The following HAUS7 variants were observed in gnomAD, a reference collection of about 807,000 sequenced individuals.
HAUS7 encodes the protein HAUS augmin-like complex subunit 7.
Under a neutral mutation model 28.4 loss-of-function variants are expected in HAUS7, and 3 were observed. The ratio of observed to expected loss-of-function variants is 0.11; its 90% CI spans 0.05 to 0.27. The LOEUF (loss-of-function observed/expected upper bound fraction) is 0.27. HAUS7 is among the 10% of genes least tolerant of loss of function. The pLI, the probability that HAUS7 is intolerant of heterozygous loss-of-function variation, is 1.00. For missense variants in HAUS7, 284 were observed against 297.3 expected (o/e 0.96, Z 0.33); for synonymous variants, 165 against 132.1 (o/e 1.25, Z -1.71).
chrX:153,484,401 A>G (rs1318555130), intron 1 of HAUS7, among the ~76,000 whole-genome samples: 1 of 112,309 alleles, frequency 8.9e-6, no homozygotes, highest in East Asian at 2.8e-4. Context: ...TGGGACAGCT[A>G]GGTAGAGATG....
At chrX:153,490,764 G>A (rs1326552294) in intron 1 of HAUS7, among the ~76,000 whole-genome samples, 1 of 112,898 alleles carries the variant, frequency 8.9e-6, no homozygotes, top group East Asian at 2.8e-4. Flanking sequence ...TGCCCTGGAA[G>A]CTGAGGCTCT....
chrX:153,457,732 C>T (rs2089334075), intron 4 of HAUS7, among the ~76,000 whole-genome samples: 1 of 113,266 alleles, frequency 8.8e-6, no homozygotes, highest in African/African-American at 3.2e-5. Context: ...GCAGCAGCTC[C>T]TGCGGGGCTG....
chrX:153,482,224 G>A, intron 1 of HAUS7: 1 of 626,789 alleles, frequency 1.6e-6, no homozygotes, highest in Middle Eastern at 4.5e-4. Context: ...GCCACCAACA[G>A]AGTGCCCTTG....
At chrX:153,463,089 C>T in intron 3 of HAUS7, 1 of 340,127 alleles carries the variant, frequency 2.9e-6, no homozygotes, top group South Asian at 2.6e-5. Flanking sequence ...CTGCTATCAC[C>T]CTGCCAGCAG....
intron 8 of HAUS7, chrX:153,455,085 T>C (rs782302081): frequency 2.2e-6 from 2 of 906,440 alleles, no homozygotes; most frequent in South Asian, 1.9e-5. Context: ...CAAGCAAACA[T>C]TGACGAGCCC....
rs151168698 is a variant in HAUS7 at position 153,454,965 on chromosome X, C to T, written c.931-457G>A. 6.3e-3 allele frequency: 6,410 copies of T among 1,019,942 alleles called. 37 individuals are homozygous for T. Among genetic ancestry groups the T allele is most frequent in the Middle Eastern group, 0.024 (82 of 3,439 alleles). 84.1% of individuals were successfully genotyped at this position (1,019,942 alleles called of 1,213,427 possible). ...GCTTAGAAAACCAAAATGAACATCACGGAATCCTTGAGCCAAGGGCAGAGT... is the reference window on the plus strand; with the variant it reads ...GCTTAGAAAACCAAAATGAACATCATGGAATCCTTGAGCCAAGGGCAGAGT... On this transcript the variant is annotated intron_variant, in intron 8 of 9. Coordinates refer to ENST00000370211, the MANE Select transcript of HAUS7 (RefSeq NM_001385482.1).
intron 1 of HAUS7, among the ~76,000 whole-genome samples, chrX:153,491,560 C>T (rs1556989596): frequency 8.9e-6 from 1 of 112,973 alleles, no homozygotes. Context: ...TCCTTCCGTC[C>T]CATGGCTGCC....
upstream of HAUS7, among the ~76,000 whole-genome samples, chrX:153,474,165 C>G (rs2089546883): frequency 1.8e-5 from 2 of 112,563 alleles, no homozygotes; most frequent in South Asian, 7.3e-4. Flanking sequence ...ACGTTCTCCT[C>G]CTAGGCCTCC....
upstream of HAUS7, among the ~76,000 whole-genome samples, chrX:153,472,427 C>T (rs1319392126): frequency 7.0e-5 from 6 of 85,884 alleles, no homozygotes; most frequent in Non-Finnish European, 1.4e-4. Flanking sequence ...CCCCACCACC[C>T]ACCACCCACC....
At chrX:153,448,353 T>G (rs782304862) in intron 9 of HAUS7, among the ~76,000 whole-genome samples, 2,613 of 85,851 alleles carry the variant, frequency 0.03, 136 homozygotes, top group African/African-American at 0.11. Flanking sequence ...ATGAGAACAC[T>G]TGGACACAGG....
At chrX:153,465,733 A>C (rs1245683245) in intron 2 of HAUS7, among the ~76,000 whole-genome samples, 3 of 112,396 alleles carry the variant, frequency 2.7e-5, no homozygotes, top group African/African-American at 9.7e-5. Flanking sequence ...CACGACACCC[A>C]GACATGCACC....
chrX:153,488,318 C>A (rs782034106), intron 1 of HAUS7, among the ~76,000 whole-genome samples: 1 of 113,280 alleles, frequency 8.8e-6, no homozygotes, highest in South Asian at 3.6e-4. Flanking sequence ...CCTCTGCCTC[C>A]GGGCTGCTGG....
intron 9 of HAUS7, among the ~76,000 whole-genome samples, chrX:153,450,417 G>A (rs1417308571): frequency 7.2e-5 from 8 of 111,503 alleles, no homozygotes; most frequent in Non-Finnish European, 1.5e-4. Context: ...TGTGCCCTCT[G>A]CTTCCATCTG....
intron 1 of HAUS7, chrX:153,487,238 A>G (rs60182142): frequency 0.032 from 5,153 of 163,336 alleles, 299 homozygotes; most frequent in African/African-American, 0.15. Flanking sequence ...CCAAGCCATC[A>G]AGAGGCCAGG....
At chrX:153,466,420 G>A (rs1556984294) in intron 2 of HAUS7, among the ~76,000 whole-genome samples, 2 of 112,161 alleles carry the variant, frequency 1.8e-5, no homozygotes, top group Non-Finnish European at 3.8e-5. Flanking sequence ...AAATGCTGGA[G>A]GCCTTGGAGG....
At chrX:153,492,986 G>A (rs1468795464) in intron 1 of HAUS7, among the ~76,000 whole-genome samples, 1 of 112,061 alleles carries the variant, frequency 8.9e-6, no homozygotes, top group Admixed American at 9.5e-5. Flanking sequence ...CAGCAGGCAT[G>A]CCTTGAGTGG....
chrX:153,489,403 G>A (rs1294997478), intron 1 of HAUS7, among the ~76,000 whole-genome samples: 1 of 112,922 alleles, frequency 8.9e-6, no homozygotes, highest in Non-Finnish European at 1.9e-5. Context: ...TCCTCTTCGG[G>A]GTGGCTGCTG....
rs2089409310 is a variant in HAUS7, at chrX:153,462,738, A to AG, written c.293-68dup. The AG allele has an allele frequency of 4.6e-6, 4 of 864,126 alleles. No homozygotes were observed. The African/African-American group carries it at 7.8e-5, about 17-fold the overall frequency. 71.2% of individuals were successfully genotyped at this position (864,126 alleles called of 1,213,427 possible). A position where few individuals can be genotyped will look rare whatever the true frequency, so the allele number is the denominator to read the frequency against. On this transcript the variant is annotated intron_variant, in intron 3 of 9. Coordinates refer to ENST00000370211, the MANE Select transcript of HAUS7 (RefSeq NM_001385482.1). ...AGACAGCAGGGGACAGCAGACACCC[A>AG]GGAAGCCCAGCACCCACAGACTAGA...
intron 1 of HAUS7, among the ~76,000 whole-genome samples, chrX:153,485,499 G>C (rs782082082): frequency 8.9e-6 from 1 of 112,126 alleles, no homozygotes; most frequent in Non-Finnish European, 1.9e-5. Context: ...AGCAGGTATC[G>C]CTAGCCCTGC....
Sources: allele counts gnomAD v4.1 joint callset (sites outside exome capture counted in the v4.1 genomes callset), GRCh38; gene constraint gnomAD v4.1.1; transcripts MANE v1.5; gene names NCBI Gene and HGNC (gene_info 2026-07-23, HGNC 2026-07-21).